The following CPNE8 variants were observed in gnomAD, a reference collection of about 807,000 sequenced individuals.
CPNE8 encodes copine-8.
In CPNE8, 45 loss-of-function variants were observed where a neutral mutation model predicts 81.5. The observed-to-expected ratio is 0.55, with a 90% CI of 0.44 to 0.71. CPNE8 has a LOEUF of 0.71. CPNE8 is among the 30% of genes least tolerant of loss of function. The pLI is 0.00. For missense variants in CPNE8, 594 were observed against 672.1 expected (o/e 0.88, Z 1.28); for synonymous variants, 252 against 226.3 (o/e 1.11, Z -1.02).
chr12:38,826,494 C>A (rs890073603), intron 6 of CPNE8, among the ~76,000 whole-genome samples: 1 of 152,124 alleles, frequency 6.6e-6, no homozygotes, highest in South Asian at 2.1e-4. Flanking sequence ...AAATCTAAAT[C>A]TCATCCTTTC....
chr12:38,652,700 A>G lies in CPNE8; in HGVS notation c.*1182T>C, dbSNP rs1351104734. Reference sequence around the variant, plus strand: ...GAATTTAAGGCCATTTGTTCTAAAGAAATGCTTTAATTTAGACACAACTTC... The same window carrying G: ...GAATTTAAGGCCATTTGTTCTAAAGGAATGCTTTAATTTAGACACAACTTC... On this transcript the variant is annotated 3_prime_UTR_variant, in exon 20 of 20. Coordinates refer to ENST00000331366, the MANE Select transcript of CPNE8 (RefSeq NM_153634.3). The G allele has an allele frequency of 2.0e-5, 3 of 152,650 alleles. No individual in the cohort carries two copies. Among genetic ancestry groups the G allele is most frequent in the African/African-American group, 7.2e-5 (3 of 41,462 alleles). The allele number at this position is 152,650 out of a possible 1,614,324, so 9.5% of individuals were successfully genotyped here.
rs765152410 is a variant in CPNE8 at position 38,848,570 on chromosome 12, A to G, written c.279T>C (p.Leu93=). The G allele has an allele frequency of 1.3e-6, 2 of 1,573,132 alleles. No homozygotes were observed. Among genetic ancestry groups the G allele is most frequent in the South Asian group, 1.2e-5 (1 of 83,648 alleles). Residue 93 remains leucine, a synonymous_variant, in exon 4 of 20, where the codon CTT becomes CTC. Coordinates refer to ENST00000331366, the MANE Select transcript of CPNE8 (RefSeq NM_153634.3). ...LDYFFEEREN[L]RFDLYDVDSK... ...TTAGTAGAACTTACAAGTCAAAACG[A>G]AGATTCTCTCTTTCTTCAAAAAAGT...
chr12:38,708,891 T>C (rs1177791030), intron 13 of CPNE8, among the ~76,000 whole-genome samples: 1 of 152,232 alleles, frequency 6.6e-6, no homozygotes, highest in Non-Finnish European at 1.5e-5. Flanking sequence ...GATAGGGATG[T>C]GCAGAAGGCT....
chr12:38,847,718 T>A (rs1266842804), intron 4 of CPNE8, among the ~76,000 whole-genome samples: 1 of 152,176 alleles, frequency 6.6e-6, no homozygotes, highest in Non-Finnish European at 1.5e-5. Flanking sequence ...AGTAAAGAGC[T>A]GTTATTTTTT....
At chr12:38,827,074 G>A (rs192262202) in intron 6 of CPNE8, among the ~76,000 whole-genome samples, 52 of 150,032 alleles carry the variant, frequency 3.5e-4, no homozygotes, top group African/African-American at 1.1e-3. Context: ...CCAGCTACTC[G>A]GGAGGCTGAG....
intron 1 of CPNE8, among the ~76,000 whole-genome samples, chr12:38,903,856 A>T (rs1944524661): frequency 1.3e-5 from 2 of 152,216 alleles, no homozygotes. Flanking sequence ...CACTTAAAGC[A>T]GTGACAGCAA....
intron 13 of CPNE8, among the ~76,000 whole-genome samples, chr12:38,707,628 C>T (rs2136702059): frequency 6.6e-6 from 1 of 152,240 alleles, no homozygotes; most frequent in Admixed American, 6.5e-5. Context: ...CAGAGACACT[C>T]AATGAGTAAA....
intron 1 of CPNE8, among the ~76,000 whole-genome samples, chr12:38,888,740 C>G (rs184715106): frequency 6.6e-6 from 1 of 152,130 alleles, no homozygotes; most frequent in East Asian, 1.9e-4. Context: ...CAGTAGCAGC[C>G]CATCCTACCT....
At chr12:38,808,833 C>T (rs1378462057) in intron 6 of CPNE8, among the ~76,000 whole-genome samples, 1 of 151,524 alleles carries the variant, frequency 6.6e-6, no homozygotes, top group East Asian at 1.9e-4. Context: ...AACCACCTCA[C>T]AGGAAAAAAT....
intron 3 of CPNE8, among the ~76,000 whole-genome samples, chr12:38,872,067 A>G (rs143749854): frequency 0.015 from 2,328 of 152,194 alleles, 72 homozygotes; most frequent in African/African-American, 0.053. Context: ...CCTGGAAGGC[A>G]GAGGTTGCAG....
chr12:38,837,029 A>C, intron 5 of CPNE8, among the ~76,000 whole-genome samples: 1 of 152,166 alleles, frequency 6.6e-6, no homozygotes, highest in East Asian at 1.9e-4. Flanking sequence ...TATTTTAAAA[A>C]TATAACACAG....
chr12:38,901,417 A>G (rs1396851132), intron 1 of CPNE8, among the ~76,000 whole-genome samples: 1 of 152,224 alleles, frequency 6.6e-6, no homozygotes, highest in Non-Finnish European at 1.5e-5. Flanking sequence ...CAAGGAAAAC[A>G]GGTGATTACT....
chr12:38,702,516 C>T (rs1161694584), intron 14 of CPNE8, among the ~76,000 whole-genome samples: 1 of 152,022 alleles, frequency 6.6e-6, no homozygotes, highest in Admixed American at 6.6e-5. Flanking sequence ...TAACTTAATA[C>T]ACTTCAGAAT....
chr12:38,810,652 T>C (rs1411596588), intron 6 of CPNE8, among the ~76,000 whole-genome samples: 1 of 152,154 alleles, frequency 6.6e-6, no homozygotes, highest in East Asian at 1.9e-4. Flanking sequence ...ATAAACTTAG[T>C]GGGCTAAAAC....
intron 18 of CPNE8, among the ~76,000 whole-genome samples, chr12:38,673,920 G>A (rs1462206780): frequency 6.6e-6 from 1 of 151,966 alleles, no homozygotes. Context: ...AGATAAGAAT[G>A]AGATAATTTA....
intron 6 of CPNE8, among the ~76,000 whole-genome samples, chr12:38,787,048 T>A (rs12580077): frequency 0.022 from 3,386 of 152,250 alleles, 207 homozygotes; most frequent in East Asian, 0.19. Context: ...GGACAGATCT[T>A]CTAGACAGAA....
intron 5 of CPNE8, among the ~76,000 whole-genome samples, chr12:38,832,367 G>T (rs535844278): frequency 6.6e-6 from 1 of 152,140 alleles, no homozygotes; most frequent in Non-Finnish European, 1.5e-5. Flanking sequence ...CTCCACCAGC[G>T]CAGGGCAATG....
rs73274725 is a variant in CPNE8 at position 38,821,810 on chromosome 12, C to A, written c.407+7569G>T. Among the ~76,000 whole-genome samples, 1,095 of 152,280 alleles carry A rather than the reference C, an allele frequency of 7.2e-3. 11 individuals are homozygous for A. The highest frequency in any genetic ancestry group is 0.026 in the African/African-American group (1,067 of 41,548). ...GTAAGCAATTTACCTCCCTGGAGAT[C>A]ATTCCAGAGAATGAGCTCACTCACA... On this transcript the variant is annotated intron_variant, in intron 6 of 19. Coordinates refer to ENST00000331366, the MANE Select transcript of CPNE8 (RefSeq NM_153634.3).
intron 3 of CPNE8, among the ~76,000 whole-genome samples, chr12:38,872,685 T>C (rs894440140): frequency 2.6e-5 from 4 of 152,170 alleles, no homozygotes; most frequent in Non-Finnish European, 4.4e-5. Context: ...CAGCAATTGA[T>C]CTCTAAAAAT....
Sources: allele counts gnomAD v4.1 joint callset (sites outside exome capture counted in the v4.1 genomes callset), GRCh38; gene constraint gnomAD v4.1.1; transcripts MANE v1.5; gene names NCBI Gene and HGNC (gene_info 2026-07-23, HGNC 2026-07-21).